The following DENND2C variants were observed in gnomAD, a reference collection of about 807,000 sequenced individuals.
DENND2C encodes the protein DENN domain containing 2C, also known as DENN domain-containing protein 2C.
DENND2C carries 72 observed loss-of-function variants against 112.4 expected under a neutral mutation model. The observed-to-expected ratio is 0.64, with a 90% CI of 0.53 to 0.78. The LOEUF (loss-of-function observed/expected upper bound fraction) is 0.78, where lower values mean the gene tolerates loss of function less well. DENND2C is among the 30% of genes least tolerant of loss of function. The pLI, the probability that DENND2C is intolerant of heterozygous loss-of-function variation, is 0.00. For synonymous variants in DENND2C, 329 were observed against 381.6 expected, an observed-to-expected ratio of 0.86 and a Z score of 1.61; for missense variants, 992 against 1,113.8, an observed-to-expected ratio of 0.89 and a Z score of 1.56.
At chr1:114,587,623 C>G in intron 19 of DENND2C, 93 bp downstream of exon 19, 1 of 1,426,950 alleles carries the variant, frequency 7.0e-7, no homozygotes, top group Non-Finnish European at 9.6e-7. Context: ...ATTTTAAGCC[C>G]TTGTCGCTTT....
intron 2 of DENND2C, among the ~76,000 whole-genome samples, chr1:114,650,359 C>A (rs1657120148): frequency 6.8e-6 from 1 of 148,038 alleles, no homozygotes; most frequent in Non-Finnish European, 1.5e-5. Context: ...AGAATTTCAG[C>A]AATTTTCAAG....
intron 1 of DENND2C, among the ~76,000 whole-genome samples, chr1:114,665,128 G>C (rs1250013596): frequency 6.6e-6 from 1 of 151,706 alleles, no homozygotes; most frequent in Admixed American, 6.6e-5. Flanking sequence ...AATTAGCAGG[G>C]GGTGGTGGTG....
At chr1:114,663,807 G>A (rs968746394) in intron 1 of DENND2C, among the ~76,000 whole-genome samples, 2 of 152,198 alleles carry the variant, frequency 1.3e-5, no homozygotes, top group African/African-American at 2.4e-5. Context: ...ATTCATTGAA[G>A]CGTTGTCTAT....
intron 5 of DENND2C, 147 bp downstream of exon 5, chr1:114,623,360 A>G (rs1212840488): frequency 1.3e-6 from 1 of 768,094 alleles, no homozygotes; most frequent in East Asian, 2.9e-5. Flanking sequence ...TAGAGAATAA[A>G]ATAATTTATA....
intron 3 of DENND2C, among the ~76,000 whole-genome samples, chr1:114,639,788 C>A (rs1330062617): frequency 6.6e-6 from 1 of 151,246 alleles, no homozygotes; most frequent in African/African-American, 2.4e-5. Flanking sequence ...CGGCTCACTG[C>A]AACTTCGGCC....
chr1:114,637,177 A>G (rs1454690143), intron 3 of DENND2C, among the ~76,000 whole-genome samples: 1 of 150,914 alleles, frequency 6.6e-6, no homozygotes, highest in African/African-American at 2.4e-5. Context: ...CATGTTGCCC[A>G]GGCTGGTCTT....
At position 114,623,081 on chromosome 1, in the gene DENND2C, G is replaced by A. The variant is rs746742222; in HGVS notation, c.962C>T (p.Pro321Leu). The A allele has an allele frequency of 6.2e-7, 1 of 1,607,074 alleles. No homozygotes were observed. Among genetic ancestry groups the A allele is most frequent in the South Asian group, 1.1e-5 (1 of 89,168 alleles). ...AGGCTGCACTGGAATATCTTCATATGGATTTTCTTTGGTGGGATCTTAAAA... is the reference window on the plus strand; with the variant it reads ...AGGCTGCACTGGAATATCTTCATATAGATTTTCTTTGGTGGGATCTTAAAA... ...EDIIYPTKEN[P>L]YEDIPVQPLP... Residue 321 changes from proline to leucine, a missense_variant, in exon 6 of 21, where the codon CCA (proline) becomes CTA (leucine). Coordinates refer to ENST00000393274, the MANE Select transcript of DENND2C (RefSeq NM_001256404.2).
chr1:114,661,750 C>A (rs1398167433), intron 1 of DENND2C, among the ~76,000 whole-genome samples: 6 of 152,120 alleles, frequency 3.9e-5, no homozygotes, highest in Non-Finnish European at 7.3e-5. Flanking sequence ...ATTGCACATA[C>A]CTCTGTATTT....
chr1:114,602,304 G>C (rs1655534723), intron 11 of DENND2C, 110 bp from the exon 12 acceptor site: 3 of 1,088,314 alleles, frequency 2.8e-6, no homozygotes, highest in South Asian at 1.7e-5. Flanking sequence ...TTGTGATCTA[G>C]TTAGGATCCA....
rs369896267 is a variant in DENND2C, at chr1:114,640,734, A to G, written c.-205+4714T>C. Among the ~76,000 whole-genome samples the G allele has an allele frequency of 1.3e-3, 193 of 152,390 alleles. 1 individual carries two copies. The highest frequency in any genetic ancestry group is 4.3e-3 in the African/African-American group (178 of 41,598). On this transcript the variant is annotated intron_variant, in intron 3 of 20. Transcript: ENST00000393274. ...TGTTCGGAAACCCGAAGGCTTTTACACATCAACACAGAACAAAGTCAGTCT... is the reference window on the plus strand; with the variant it reads ...TGTTCGGAAACCCGAAGGCTTTTACGCATCAACACAGAACAAAGTCAGTCT...
chr1:114,630,262 C>T lies in DENND2C; in HGVS notation c.-204-4074G>A, dbSNP rs533951138. Among the ~76,000 whole-genome samples the T allele has an allele frequency of 4.6e-5, 7 of 151,574 alleles. No homozygotes were observed. The East Asian group carries it at 9.7e-4, about 21-fold the overall frequency. On this transcript the variant is annotated intron_variant, in intron 3 of 20. Coordinates refer to ENST00000393274, the MANE Select transcript of DENND2C (RefSeq NM_001256404.2). ...GGTAGAGGCTTCAGTGAGCCGAGAT[C>T]GCGCCACTTCATTCCAGTCTGGCGA...
intron 1 of DENND2C, among the ~76,000 whole-genome samples, chr1:114,664,222 G>A (rs1657584423): frequency 6.6e-6 from 1 of 151,982 alleles, no homozygotes; most frequent in Non-Finnish European, 1.5e-5. Flanking sequence ...ATAGGCATGG[G>A]GACACAGTCT....
At position 114,584,156 on chromosome 1, in the gene DENND2C, T is replaced by A. The variant is rs1356521739; in HGVS notation, c.*1444A>T. The A allele has an allele frequency of 6.6e-6, 1 of 152,232 alleles. No individual in the cohort carries two copies. Among genetic ancestry groups the A allele is most frequent in the Non-Finnish European group, 1.5e-5 (1 of 68,038 alleles). 9.4% of individuals were successfully genotyped at this position (152,232 alleles called of 1,614,324 possible). On this transcript the variant is annotated 3_prime_UTR_variant, in exon 21 of 21. Coordinates refer to ENST00000393274, the MANE Select transcript of DENND2C (RefSeq NM_001256404.2). Reference sequence around the variant, plus strand: ...TAATCCTACTGAGATGAAATTTCCATCTGTAGGACTAACCAACTTTTTCTG... The same window carrying A: ...TAATCCTACTGAGATGAAATTTCCAACTGTAGGACTAACCAACTTTTTCTG...
intron 20 of DENND2C, among the ~76,000 whole-genome samples, chr1:114,586,314 A>C (rs1416900290): frequency 6.6e-6 from 1 of 152,202 alleles, no homozygotes; most frequent in Non-Finnish European, 1.5e-5. Context: ...GATAGACTTC[A>C]TGGGGTATAT....
chr1:114,600,470 G>A, intron 14 of DENND2C, 118 bp from the exon 15 acceptor site: 1 of 1,329,000 alleles, frequency 7.5e-7, no homozygotes, highest in Non-Finnish European at 1.0e-6. Flanking sequence ...GCTACACGGG[G>A]TCTGTGAAGC....
rs930575246 is a variant in DENND2C, at chr1:114,623,431, A to C, written c.943+76T>G. On this transcript the variant is annotated intron_variant, in intron 5 of 20. Transcript: ENST00000393274. The stretch of plus-strand genomic sequence containing the variant: ...AGCAATATATGCTTGATTATAGAAG[A>C]AAATACCATCCTACAATTAAGGGCT... The C allele has an allele frequency of 3.5e-6, 5 of 1,435,176 alleles. No homozygotes were observed. In the African/African-American group the frequency reaches 7.1e-5, roughly 21 times the overall value. 88.9% of individuals were successfully genotyped at this position (1,435,176 alleles called of 1,614,324 possible).
chr1:114,592,852 T>G (rs1655233657), intron 18 of DENND2C, among the ~76,000 whole-genome samples: 1 of 152,218 alleles, frequency 6.6e-6, no homozygotes, highest in African/African-American at 2.4e-5. Flanking sequence ...ATCAAGGTCT[T>G]CATATTGTCA....
intron 4 of DENND2C, 145 bp downstream of exon 4, chr1:114,625,034 C>T: frequency 4.0e-6 from 3 of 742,646 alleles, no homozygotes; most frequent in South Asian, 2.6e-5. Flanking sequence ...TCTTATTTTC[C>T]TTCCACATTA....
intron 3 of DENND2C, among the ~76,000 whole-genome samples, chr1:114,633,315 C>T (rs897648194): frequency 2.6e-5 from 4 of 151,548 alleles, no homozygotes; most frequent in African/African-American, 9.7e-5. Flanking sequence ...CGTGGTGGTG[C>T]CTGCCAGTAA....
Sources: allele counts gnomAD v4.1 joint callset (sites outside exome capture counted in the v4.1 genomes callset), GRCh38; gene constraint gnomAD v4.1.1; transcripts MANE v1.5; gene names NCBI Gene and HGNC (gene_info 2026-07-23, HGNC 2026-07-21).